Variants in PDE4D observed in about 807,000 individuals in gnomAD.
The protein encoded by PDE4D is 3',5'-cyclic-AMP phosphodiesterase 4D.
PDE4D carries 24 observed loss-of-function variants against 87.4 expected under a neutral mutation model. The observed-to-expected ratio is 0.27, with a 90% confidence interval of 0.20 to 0.39. The LOEUF (loss-of-function observed/expected upper bound fraction) is 0.39. PDE4D is among the 10% of genes least tolerant of loss of function. The pLI is 1.00. For missense variants in PDE4D, 714 were observed against 1,041.0 expected, an observed-to-expected ratio of 0.69 and a Z score of 4.32; for synonymous variants, 384 against 383.2, an observed-to-expected ratio of 1.00 and a Z score of -0.02.
intron 1 of PDE4D, among the ~76,000 whole-genome samples, chr5:59,288,002 C>T (rs1411875982): frequency 3.3e-5 from 5 of 152,076 alleles, no homozygotes; most frequent in African/African-American, 1.2e-4. Context: ...AGGACAGGTA[C>T]AAACAAGCCC....
At chr5:59,689,479 C>A (rs528388252) in intron 1 of PDE4D, among the ~76,000 whole-genome samples, 2,493 of 152,200 alleles carry the variant, frequency 0.016, 68 homozygotes, top group African/African-American at 0.057. Context: ...CCACATGATT[C>A]TCTCAATAGA....
intron 1 of PDE4D, among the ~76,000 whole-genome samples, chr5:59,420,372 C>T (rs1418114908): frequency 6.6e-6 from 1 of 152,170 alleles, no homozygotes; most frequent in African/African-American, 2.4e-5. Flanking sequence ...CACTCATCTT[C>T]CTACTTTATT....
intron 1 of PDE4D, among the ~76,000 whole-genome samples, chr5:59,790,758 C>G (rs1765691258): frequency 6.6e-6 from 1 of 152,144 alleles, no homozygotes; most frequent in Non-Finnish European, 1.5e-5. Context: ...TCTAATTGAG[C>G]CTAATATGCA....
chr5:59,361,631 C>T (rs1782247992), intron 1 of PDE4D, among the ~76,000 whole-genome samples: 1 of 152,130 alleles, frequency 6.6e-6, no homozygotes, highest in South Asian at 2.1e-4. Context: ...TTTGTACTTC[C>T]TCTTTGTCAA....
At chr5:59,244,549 T>G (rs575798854) in intron 1 of PDE4D, among the ~76,000 whole-genome samples, 1 of 150,614 alleles carries the variant, frequency 6.6e-6, no homozygotes, top group Admixed American at 6.6e-5. Flanking sequence ...TATACACACA[T>G]ATATGTATAC....
chr5:58,998,173 T>C (rs1749661499), intron 6 of PDE4D, among the ~76,000 whole-genome samples: 1 of 152,098 alleles, frequency 6.6e-6, no homozygotes, highest in Non-Finnish European at 1.5e-5. Flanking sequence ...TATTTGCTAT[T>C]TTTACATGTT....
intron 5 of PDE4D, among the ~76,000 whole-genome samples, chr5:59,106,715 G>A (rs1271891112): frequency 2.0e-5 from 3 of 152,316 alleles, no homozygotes; most frequent in Non-Finnish European, 2.9e-5. Context: ...AGCTGAGATC[G>A]CGCCATTGCA....
At chr5:59,774,553 A>T (rs1436240825) in intron 1 of PDE4D, among the ~76,000 whole-genome samples, 1 of 90,450 alleles carries the variant, frequency 1.1e-5, no homozygotes, top group Non-Finnish European at 2.1e-5. Context: ...AAATCTAGTT[A>T]TATGGGGTTT....
chr5:59,836,642 C>CTATA (rs34752258), intron 1 of PDE4D, among the ~76,000 whole-genome samples: 10 of 148,850 alleles, frequency 6.7e-5, no homozygotes, highest in African/African-American at 1.2e-4. Flanking sequence ...ATCTATCTAT[C>CTATA]TATCTATCTA....
chr5:59,882,163 T>A (rs1749520783), intron 1 of PDE4D, among the ~76,000 whole-genome samples: 1 of 152,208 alleles, frequency 6.6e-6, no homozygotes, highest in Non-Finnish European at 1.5e-5. Flanking sequence ...TTATACTCTA[T>A]TACTTCTCAA....
At chr5:60,460,916 T>C (rs995961193) in intron 1 of PDE4D, among the ~76,000 whole-genome samples, 1 of 152,212 alleles carries the variant, frequency 6.6e-6, no homozygotes, top group Non-Finnish European at 1.5e-5. Flanking sequence ...CCATTCTTAA[T>C]TTTATAAATG....
chr5:59,420,232 A>G (rs1028776617), intron 1 of PDE4D, among the ~76,000 whole-genome samples: 1 of 152,082 alleles, frequency 6.6e-6, no homozygotes, highest in Non-Finnish European at 1.5e-5. Context: ...TGTAAATCTC[A>G]TTATCCCTTA....
intron 1 of PDE4D, among the ~76,000 whole-genome samples, chr5:59,713,225 A>G (rs1283480626): frequency 1.3e-5 from 2 of 152,230 alleles, no homozygotes; most frequent in Non-Finnish European, 2.9e-5. Flanking sequence ...ACAGGCAAAA[A>G]TTTTAAAAAT....
At chr5:59,632,644 T>C (rs1036154101) in intron 1 of PDE4D, among the ~76,000 whole-genome samples, 4 of 152,188 alleles carry the variant, frequency 2.6e-5, no homozygotes, top group Admixed American at 6.5e-5. Flanking sequence ...AAGAGGGGTC[T>C]GACTGCTAGA....
chr5:59,303,827 G>T (rs1429268962), intron 1 of PDE4D, among the ~76,000 whole-genome samples: 4 of 152,112 alleles, frequency 2.6e-5, no homozygotes, highest in Admixed American at 6.6e-5. Flanking sequence ...GTAGTGTGAT[G>T]CCTCCAGATT....
intron 1 of PDE4D, among the ~76,000 whole-genome samples, chr5:59,749,813 C>T (rs1165545824): frequency 6.6e-6 from 1 of 152,114 alleles, no homozygotes; most frequent in Admixed American, 6.6e-5. Context: ...AAACTTCAGA[C>T]TCATACATTC....
intron 5 of PDE4D, among the ~76,000 whole-genome samples, chr5:59,126,496 T>C (rs1775424401): frequency 6.6e-6 from 1 of 152,242 alleles, no homozygotes; most frequent in Non-Finnish European, 1.5e-5. Context: ...GGTTGTACTT[T>C]AGCTACCTTT....
chr5:60,207,301 T>C (rs1032111716), intron 1 of PDE4D, among the ~76,000 whole-genome samples: 8 of 152,198 alleles, frequency 5.3e-5, no homozygotes, highest in African/African-American at 1.9e-4. Flanking sequence ...GAAATGAGAC[T>C]ATATGAGGCT....
chr5:59,198,532 T>G (rs867834901), intron 2 of PDE4D, among the ~76,000 whole-genome samples: 1 of 152,174 alleles, frequency 6.6e-6, no homozygotes, highest in East Asian at 1.9e-4. Context: ...CTCTGTCACC[T>G]TCCCTGGTTA....
Sources: gnomAD v4.1 joint callset for allele counts (sites outside exome capture counted in the v4.1 genomes callset) on GRCh38, gnomAD v4.1.1 for gene constraint, MANE v1.5 for transcripts, NCBI Gene and HGNC (gene_info 2026-07-23, HGNC 2026-07-21) for gene names.